WWOX: variants seen among roughly 807,000 people sequenced by gnomAD.
WWOX encodes the protein WW domain-containing oxidoreductase.
A neutral mutation model predicts 46.2 loss-of-function variants in WWOX; 69 were observed. That is an observed-to-expected ratio of 1.49 (90% CI 1.23 to 1.82). WWOX has a LOEUF of 1.82. Among genes scored for constraint, WWOX ranks in the 40% most tolerant of loss-of-function variants. WWOX has a pLI of 0.00. For synonymous variants in WWOX, 359 were observed against 202.6 expected (o/e 1.77, Z -6.56); for missense variants, 919 against 542.6 (o/e 1.69, Z -6.89).
At chr16:78,401,292 A>G (rs1235071113) in intron 6 of WWOX, among the ~76,000 whole-genome samples, 6 of 152,240 alleles carry the variant, frequency 3.9e-5, no homozygotes, top group Non-Finnish European at 8.8e-5. Context: ...GAAAAGACTG[A>G]ATATTTTAAG....
At chr16:78,991,629 C>G (rs139017101) in intron 8 of WWOX, among the ~76,000 whole-genome samples, 33 of 131,172 alleles carry the variant, frequency 2.5e-4, no homozygotes, top group Admixed American at 1.0e-3. Context: ...AGATTCTCCA[C>G]CTACCAGTGG....
intron 8 of WWOX, among the ~76,000 whole-genome samples, chr16:78,760,132 C>T (rs1042419175): frequency 6.6e-6 from 1 of 152,106 alleles, no homozygotes; most frequent in African/African-American, 2.4e-5. Flanking sequence ...AGGGTGGGTG[C>T]ACAGTCATGG....
chr16:78,379,135 A>G (rs1282867687), intron 5 of WWOX, among the ~76,000 whole-genome samples: 1 of 152,234 alleles, frequency 6.6e-6, no homozygotes. Context: ...TCACTATTAA[A>G]TGAAAACAAG....
chr16:78,420,571 G>A (rs1366413340), intron 6 of WWOX, among the ~76,000 whole-genome samples: 4 of 151,320 alleles, frequency 2.6e-5, no homozygotes, highest in Non-Finnish European at 5.9e-5. Flanking sequence ...CGGAATAGGC[G>A]AATCTATAGG....
chr16:78,890,131 C>G (rs1214935746), intron 8 of WWOX: 1 of 152,014 alleles, frequency 6.6e-6, no homozygotes, highest in Admixed American at 6.6e-5. Flanking sequence ...ACATTTTTTC[C>G]TAAACAACAT....
intron 8 of WWOX, among the ~76,000 whole-genome samples, chr16:78,514,290 TAAG>T (rs1412915144): frequency 6.6e-6 from 1 of 152,318 alleles, no homozygotes; most frequent in Non-Finnish European, 1.5e-5. Flanking sequence ...TTATGTATAA[TAAG>T]CACATTAATT....
intron 8 of WWOX, among the ~76,000 whole-genome samples, chr16:78,716,904 C>T (rs1351174393): frequency 2.0e-5 from 3 of 152,164 alleles, no homozygotes; most frequent in Admixed American, 1.3e-4. Context: ...TGTTTATTAT[C>T]TTATTTTCAG....
chr16:78,829,493 C>G (rs1016750354), intron 8 of WWOX, among the ~76,000 whole-genome samples: 5 of 152,112 alleles, frequency 3.3e-5, no homozygotes, highest in African/African-American at 9.7e-5. Flanking sequence ...GACACACACT[C>G]AGAAATAATG....
intron 8 of WWOX, among the ~76,000 whole-genome samples, chr16:78,502,475 C>A (rs985457535): frequency 2.0e-5 from 3 of 152,174 alleles, no homozygotes; most frequent in African/African-American, 7.2e-5. Context: ...CTCTTAGCAT[C>A]ATGTTTTGAA....
At chr16:79,089,317 C>T (rs539306543) in intron 8 of WWOX, among the ~76,000 whole-genome samples, 111 of 141,562 alleles carry the variant, frequency 7.8e-4, no homozygotes, top group African/African-American at 2.7e-3. Flanking sequence ...TCATCATGAA[C>T]GTTCAAGGTG....
chr16:78,221,087 T>A (rs1239646765), intron 5 of WWOX, among the ~76,000 whole-genome samples: 2 of 152,168 alleles, frequency 1.3e-5, no homozygotes, highest in Non-Finnish European at 2.9e-5. Flanking sequence ...CATCACAGAG[T>A]TAAGCTCGGT....
At chr16:78,702,241 C>G (rs931042850) in intron 8 of WWOX, among the ~76,000 whole-genome samples, 4 of 149,908 alleles carry the variant, frequency 2.7e-5, no homozygotes, top group African/African-American at 9.8e-5. Context: ...GATGACTCCA[C>G]TATACTCCAG....
At chr16:78,315,896 A>G (rs887944252) in intron 5 of WWOX, among the ~76,000 whole-genome samples, 2 of 151,542 alleles carry the variant, frequency 1.3e-5, no homozygotes, top group East Asian at 3.9e-4. Context: ...GTATTTAACT[A>G]CTCTCCTCGT....
intron 8 of WWOX, among the ~76,000 whole-genome samples, chr16:79,045,780 C>CTTTTTT (rs770463813): frequency 7.4e-4 from 40 of 54,222 alleles, no homozygotes; most frequent in Middle Eastern, 0.025. Context: ...TTTTCTTTTC[C>CTTTTTT]TTTTTTTTTT....
chr16:79,129,609 A>G (rs1310107207), intron 8 of WWOX, among the ~76,000 whole-genome samples: 2 of 152,114 alleles, frequency 1.3e-5, no homozygotes, highest in Admixed American at 1.3e-4. Context: ...CAAGCAAAGC[A>G]TACACTGAAA....
chr16:79,108,355 A>C (rs976988521), intron 8 of WWOX, among the ~76,000 whole-genome samples: 5 of 152,248 alleles, frequency 3.3e-5, no homozygotes, highest in Admixed American at 1.3e-4. Flanking sequence ...CTGCGTATTA[A>C]GTATGGCTAA....
chr16:78,122,614 T>A (rs977098586), intron 4 of WWOX, among the ~76,000 whole-genome samples: 2 of 151,784 alleles, frequency 1.3e-5, no homozygotes, highest in African/African-American at 4.8e-5. Context: ...TTTTTCTTTT[T>A]TTTTTTTTGA....
At chr16:78,696,765 C>G (rs116764346) in intron 8 of WWOX, among the ~76,000 whole-genome samples, 2 of 152,188 alleles carry the variant, frequency 1.3e-5, no homozygotes, top group East Asian at 1.9e-4. Flanking sequence ...ACCCATCACT[C>G]GAGCAGTATA....
intron 8 of WWOX, among the ~76,000 whole-genome samples, chr16:78,599,258 G>T (rs2045565483): frequency 6.6e-6 from 1 of 152,174 alleles, no homozygotes; most frequent in South Asian, 2.1e-4. Context: ...ATTCTCAGCT[G>T]GTCTAGCTTT....
Sources: allele counts gnomAD v4.1 joint callset (sites outside exome capture counted in the v4.1 genomes callset), GRCh38; gene constraint gnomAD v4.1.1; transcripts MANE v1.5; gene names NCBI Gene and HGNC (gene_info 2026-07-23, HGNC 2026-07-21).